Variants in SEC14L2 observed in about 807,000 individuals in gnomAD.
SEC14L2 encodes the protein SEC14-like protein 2.
SEC14L2 carries 50 observed loss-of-function variants against 56.9 expected under a neutral mutation model. The observed-to-expected ratio is 0.88, with a 90% CI of 0.70 to 1.11. SEC14L2 has a LOEUF of 1.11. Ranked by LOEUF, SEC14L2 falls within the 50% of genes most tolerant of loss-of-function variation. The pLI is 0.00. For synonymous variants in SEC14L2, 179 were observed against 188.5 expected, an observed-to-expected ratio of 0.95 and a Z score of 0.41; for missense variants, 414 against 500.7, an observed-to-expected ratio of 0.83 and a Z score of 1.65.
intron 5 of SEC14L2, 139 bp downstream of exon 5, chr22:30,407,742 CT>C (rs1934139136): frequency 1.4e-6 from 1 of 728,872 alleles, no homozygotes; most frequent in East Asian, 3.2e-5. Context: ...ATTTTTAAAA[CT>C]TTTTTAGTAG....
chr22:30,406,274 A>G, intron 2 of SEC14L2, 68 bp from the exon 3 acceptor site: 2 of 1,481,698 alleles, frequency 1.3e-6, no homozygotes, highest in Admixed American at 3.4e-5. Context: ...GGAATATGGG[A>G]ATCTCCCCAT....
chr22:30,416,787 G>C (rs1934402671), intron 11 of SEC14L2: 2 of 1,208,142 alleles, frequency 1.7e-6, no homozygotes, highest in East Asian at 4.2e-5. Flanking sequence ...GGGATCACAA[G>C]GTAAGCAGAT....
chr22:30,399,018 C>G (rs1181967478), intron 1 of SEC14L2, among the ~76,000 whole-genome samples: 1 of 152,128 alleles, frequency 6.6e-6, no homozygotes, highest in Non-Finnish European at 1.5e-5. Flanking sequence ...TACTGCAGTC[C>G]GTATCAGAGT....
chr22:30,413,344 G>A (rs1934303305), intron 8 of SEC14L2, among the ~76,000 whole-genome samples: 2 of 152,186 alleles, frequency 1.3e-5, no homozygotes, highest in African/African-American at 4.8e-5. Flanking sequence ...CCAGCAAAGA[G>A]GACACACAGG....
At chr22:30,420,505 C>G (rs1934488792) in intron 11 of SEC14L2, 2 of 152,198 alleles carry the variant, frequency 1.3e-5, no homozygotes, top group Admixed American at 6.5e-5. Flanking sequence ...GCAATGAATG[C>G]AAAGGACCTC....
intron 2 of SEC14L2, among the ~76,000 whole-genome samples, chr22:30,400,894 C>CAAAA (rs1185861063): frequency 1.6e-4 from 8 of 48,614 alleles, no homozygotes; most frequent in African/African-American, 5.9e-4. Context: ...GACTCCGTCT[C>CAAAA]AAAAAAAAAA....
intron 11 of SEC14L2, chr22:30,420,897 C>T (rs1934498426): frequency 6.6e-6 from 1 of 152,218 alleles, no homozygotes; most frequent in Admixed American, 6.5e-5. Flanking sequence ...TAAAAGCAGC[C>T]TGTTCCTCTG....
At chr22:30,410,135 A>G (rs1934209000) in intron 7 of SEC14L2, among the ~76,000 whole-genome samples, 1 of 148,886 alleles carries the variant, frequency 6.7e-6, no homozygotes, top group African/African-American at 2.5e-5. Context: ...GAGGTGGAGG[A>G]TGCAGTGAGC....
At chr22:30,409,395 G>C in intron 6 of SEC14L2, 31 bp from the exon 7 acceptor site, 1 of 1,612,728 alleles carries the variant, frequency 6.2e-7, no homozygotes. Flanking sequence ...TTCTGAGCCT[G>C]CTGGAATCAA....
intron 3 of SEC14L2, among the ~76,000 whole-genome samples, chr22:30,406,816 G>A (rs947227158): frequency 2.6e-5 from 4 of 152,086 alleles, no homozygotes; most frequent in Non-Finnish European, 4.4e-5. Context: ...GCAGTGGCGC[G>A]ATCTCAGCTC....
chr22:30,416,168 G>A, intron 10 of SEC14L2, 66 bp from the exon 11 acceptor site: 1 of 1,608,988 alleles, frequency 6.2e-7, no homozygotes, highest in Admixed American at 1.7e-5. Context: ...AGAAGCCCTG[G>A]TGCCAGGACC....
At chr22:30,407,217 T>C in intron 4 of SEC14L2, 63 bp downstream of exon 4, 3 of 1,564,820 alleles carry the variant, frequency 1.9e-6, no homozygotes, top group Admixed American at 1.7e-5. Context: ...ACCTGGGTCC[T>C]GGATCCACTG....
At position 30,422,764 on chromosome 22, in the gene SEC14L2, C is replaced by T. The variant is rs1040452121; in HGVS notation, c.*357C>T. 1 of 186,138 alleles carries T rather than the reference C, an allele frequency of 5.4e-6. No individual in the cohort carries two copies. The highest frequency in any genetic ancestry group is 1.4e-4 in the East Asian group (1 of 7,100). 11.5% of individuals were successfully genotyped at this position (186,138 alleles called of 1,614,324 possible). On this transcript the variant is annotated 3_prime_UTR_variant, in exon 12 of 12. Coordinates refer to ENST00000615189, the MANE Select transcript of SEC14L2 (RefSeq NM_012429.5). ...AAGGGTGAAAGATTGGGACTTAACA[C>T]TTCAGGGAAGTCAGCTGCCGGGGAG...
chr22:30,404,941 G>A (rs954593816), intron 2 of SEC14L2, among the ~76,000 whole-genome samples: 4 of 152,070 alleles, frequency 2.6e-5, no homozygotes, highest in Non-Finnish European at 4.4e-5. Context: ...GTGGTGGCGT[G>A]TGCCTGTAAT....
At chr22:30,397,430 C>G (rs1225660619) in intron 1 of SEC14L2, 1 of 475,426 alleles carries the variant, frequency 2.1e-6, no homozygotes, top group Non-Finnish European at 3.7e-6. Flanking sequence ...CAAGTGGTTG[C>G]TTGTGAGTCC....
In SEC14L2 at chr22:30,411,742, CAAAAAAA is replaced by C. The variant is rs60530235; in HGVS notation, c.664+1076_664+1082del. On this transcript the variant is annotated intron_variant, in intron 8 of 11. Coordinates refer to ENST00000615189, the MANE Select transcript of SEC14L2 (RefSeq NM_012429.5). ...AGCCTGGGCAACAGAGACTCCGTCT[CAAAAAAA>C]AAAAAAAAAAAAGGGGTCCCTTGAA... Among the ~76,000 whole-genome samples the C allele has an allele frequency of 4.4e-5, 3 of 67,804 alleles. No homozygotes were observed. In the South Asian group the frequency reaches 2.6e-3, roughly 59 times the overall value. 44.5% of individuals were successfully genotyped at this position (67,804 alleles called of 152,430 possible). A position where few individuals can be genotyped will look rare whatever the true frequency, so the allele number is the denominator to read the frequency against.
At chr22:30,412,753 T>G in intron 8 of SEC14L2, among the ~76,000 whole-genome samples, 1 of 148,302 alleles carries the variant, frequency 6.7e-6, no homozygotes, top group Admixed American at 6.7e-5. Context: ...AGCCCAGGAG[T>G]TCGAGGCTGT....
chr22:30,397,791 G>C, intron 1 of SEC14L2: 1 of 468,342 alleles, frequency 2.1e-6, no homozygotes, highest in South Asian at 1.6e-5. Context: ...TTTGAGCTGA[G>C]ACCAGCCGTC....
chr22:30,422,811 CA>C lies in SEC14L2; in HGVS notation c.*405del, dbSNP rs1934556197. 6.0e-6 allele frequency: 1 copy of C among 165,878 alleles called. No individual in the cohort carries two copies. The highest frequency in any genetic ancestry group is 1.3e-5 in the Non-Finnish European group (1 of 75,922). 10.3% of individuals were successfully genotyped at this position (165,878 alleles called of 1,614,324 possible). A position where few individuals can be genotyped will look rare whatever the true frequency, so the allele number is the denominator to read the frequency against. On this transcript the variant is annotated 3_prime_UTR_variant, in exon 12 of 12. Coordinates refer to ENST00000615189, the MANE Select transcript of SEC14L2 (RefSeq NM_012429.5). ...GGAGAAACTTGCTCCTAAATGAACA[CA>C]TAAGTTTAGATCGCAATGAGGAGTA...
Sources: allele counts gnomAD v4.1 joint callset (sites outside exome capture counted in the v4.1 genomes callset), GRCh38; gene constraint gnomAD v4.1.1; transcripts MANE v1.5; gene names NCBI Gene and HGNC (gene_info 2026-07-23, HGNC 2026-07-21).